DLG2: variants seen among roughly 807,000 people sequenced by gnomAD.
DLG2 encodes the protein discs large MAGUK scaffold protein 2, also known as disks large homolog 2.
DLG2 carries 45 observed loss-of-function variants against 132.5 expected under a neutral mutation model. That is an observed-to-expected ratio of 0.34 (90% CI 0.27 to 0.44). DLG2 has a LOEUF of 0.44. Among genes scored for constraint, DLG2 ranks in the 20% least tolerant of loss-of-function variants. The probability of loss-of-function intolerance (pLI) is 1.00; values close to 1 mark genes in which losing one functional copy is unlikely to be tolerated. For synonymous variants in DLG2, 424 were observed against 419.6 expected (o/e 1.01, Z -0.13); for missense variants, 1,045 against 1,196.9 (o/e 0.87, Z 1.87).
At chr11:84,278,291 T>C (rs1399878706) in intron 7 of DLG2, among the ~76,000 whole-genome samples, 1 of 152,070 alleles carries the variant, frequency 6.6e-6, no homozygotes, top group Non-Finnish European at 1.5e-5. Flanking sequence ...AAATAAGTAC[T>C]TTACATAGTC....
rs140490569 is a variant in DLG2 at position 85,270,806 on chromosome 11, T to A, written c.186+14414A>T. ...TGTGGAACTTTGAACTTAAGACAGATGATTTAGGGCATCTGGCAGAATAAA... is the reference window on the plus strand; with the variant it reads ...TGTGGAACTTTGAACTTAAGACAGAAGATTTAGGGCATCTGGCAGAATAAA... On this transcript the variant is annotated intron_variant, in intron 4 of 27. Coordinates refer to ENST00000376104, the MANE Select transcript of DLG2 (RefSeq NM_001142699.3). Among the ~76,000 whole-genome samples, 761 of 152,308 alleles carry A rather than the reference T, an allele frequency of 5.0e-3. 10 individuals carry two copies. Among genetic ancestry groups the A allele is most frequent in the African/African-American group, 0.017 (712 of 41,554 alleles).
intron 18 of DLG2, among the ~76,000 whole-genome samples, chr11:83,638,191 C>T (rs2065360932): frequency 6.6e-6 from 1 of 152,098 alleles, no homozygotes; most frequent in Non-Finnish European, 1.5e-5. Context: ...TTCTCCTCCA[C>T]ATTTTTGAGT....
At chr11:84,044,919 A>G (rs1043780983) in intron 11 of DLG2, among the ~76,000 whole-genome samples, 3 of 151,654 alleles carry the variant, frequency 2.0e-5, no homozygotes, top group Admixed American at 6.6e-5. Context: ...TTCTGCTACA[A>G]TTTCCTTCTT....
intron 3 of DLG2, among the ~76,000 whole-genome samples, chr11:85,537,014 T>C (rs1339533722): frequency 1.3e-5 from 2 of 152,102 alleles, no homozygotes; most frequent in Non-Finnish European, 2.9e-5. Context: ...TCAATCAGCA[T>C]TCTGTGTCTA....
chr11:83,763,030 T>C (rs889920100), intron 18 of DLG2, among the ~76,000 whole-genome samples: 5 of 152,210 alleles, frequency 3.3e-5, no homozygotes, highest in Non-Finnish European at 5.9e-5. Context: ...GCAACCTCCC[T>C]GTCCACCCTT....
intron 6 of DLG2, among the ~76,000 whole-genome samples, chr11:84,588,047 T>C (rs1057344516): frequency 6.6e-6 from 1 of 152,158 alleles, no homozygotes; most frequent in East Asian, 1.9e-4. Context: ...AGCTGTGTGC[T>C]TTGTGAATGC....
At chr11:85,124,623 C>T (rs2074841283) in intron 5 of DLG2, among the ~76,000 whole-genome samples, 1 of 152,166 alleles carries the variant, frequency 6.6e-6, no homozygotes, top group African/African-American at 2.4e-5. Flanking sequence ...TGATCCAACA[C>T]ATATTCTCAG....
chr11:83,829,746 T>C (rs914009388), intron 17 of DLG2, among the ~76,000 whole-genome samples: 1 of 151,836 alleles, frequency 6.6e-6, no homozygotes, highest in African/African-American at 2.4e-5. Flanking sequence ...TTTATTTATT[T>C]ATTTATTTTT....
intron 18 of DLG2, among the ~76,000 whole-genome samples, chr11:83,666,417 A>C (rs2075587572): frequency 6.6e-6 from 1 of 152,180 alleles, no homozygotes; most frequent in Non-Finnish European, 1.5e-5. Flanking sequence ...GTTTCATTAG[A>C]TTCTCAGAGG....
intron 17 of DLG2, among the ~76,000 whole-genome samples, chr11:83,815,853 G>T (rs116431530): frequency 0.013 from 1,956 of 152,254 alleles, 54 homozygotes; most frequent in African/African-American, 0.044. Flanking sequence ...TTAGCTCTGT[G>T]TGAATCCTGG....
chr11:85,133,546 TAACTTATA>T (rs1410218671), intron 5 of DLG2, among the ~76,000 whole-genome samples: 1 of 152,234 alleles, frequency 6.6e-6, no homozygotes, highest in African/African-American at 2.4e-5. Context: ...TTTGGAGGTT[TAACTTATA>T]GAAAAGGGTT....
chr11:85,232,758 C>T (rs1010215991), intron 4 of DLG2, among the ~76,000 whole-genome samples: 2 of 151,944 alleles, frequency 1.3e-5, no homozygotes, highest in African/African-American at 4.8e-5. Context: ...TGTGACAATA[C>T]TAGACAAAAT....
At chr11:84,001,130 A>G (rs1229797211) in intron 11 of DLG2, among the ~76,000 whole-genome samples, 1 of 152,076 alleles carries the variant, frequency 6.6e-6, no homozygotes. Context: ...TAAATTCTTT[A>G]CTTAAAAGAT....
Position 83,543,189 on chromosome 11 carries a change from G to A in DLG2, c.1941-1331C>T, listed in dbSNP as rs1235173439. ...ATTTGGAGAGGGTTTCTTGGTCCAA[G>A]CTCCCGGAATGAATCATTTTCACCT... On this transcript the variant is annotated intron_variant, in intron 19 of 27. Coordinates refer to ENST00000376104, the MANE Select transcript of DLG2 (RefSeq NM_001142699.3). Among the ~76,000 whole-genome samples, 3 of 152,178 alleles carry A rather than the reference G, an allele frequency of 2.0e-5. No individual in the cohort carries two copies. In the South Asian group the frequency reaches 6.2e-4, roughly 32 times the overall value.
intron 14 of DLG2, among the ~76,000 whole-genome samples, chr11:83,961,677 T>C (rs180705016): frequency 6.6e-6 from 1 of 152,082 alleles, no homozygotes; most frequent in African/African-American, 2.4e-5. Flanking sequence ...AAAGTGACAT[T>C]TCTAAATTAA....
At chr11:85,192,820 T>C (rs2080705275) in intron 4 of DLG2, among the ~76,000 whole-genome samples, 1 of 152,176 alleles carries the variant, frequency 6.6e-6, no homozygotes, top group African/African-American at 2.4e-5. Flanking sequence ...GGCACGGTAA[T>C]AGCATGCACT....
intron 6 of DLG2, among the ~76,000 whole-genome samples, chr11:84,875,958 G>A (rs941001072): frequency 2.6e-5 from 4 of 152,098 alleles, no homozygotes; most frequent in Non-Finnish European, 5.9e-5. Context: ...GGCTGGTCTC[G>A]AATGCCTGAC....
chr11:84,449,715 T>C (rs951299302), intron 7 of DLG2, among the ~76,000 whole-genome samples: 3 of 151,918 alleles, frequency 2.0e-5, no homozygotes, highest in Non-Finnish European at 2.9e-5. Flanking sequence ...TATGTTATTT[T>C]AAAATTTAAT....
At chr11:85,538,562 T>C (rs1272202774) in intron 3 of DLG2, among the ~76,000 whole-genome samples, 1 of 151,900 alleles carries the variant, frequency 6.6e-6, no homozygotes, top group East Asian at 1.9e-4. Flanking sequence ...GCAGCACTTT[T>C]CACAATAGCA....
Sources: allele counts gnomAD v4.1 joint callset (sites outside exome capture counted in the v4.1 genomes callset), GRCh38; gene constraint gnomAD v4.1.1; transcripts MANE v1.5; gene names NCBI Gene and HGNC (gene_info 2026-07-23, HGNC 2026-07-21).